CYP4F12: variants seen among roughly 807,000 people sequenced by gnomAD.
CYP4F12 encodes cytochrome P450 family 4 subfamily F member 12, also known as cytochrome P450 4F12.
In CYP4F12, 60 loss-of-function variants were observed where a neutral mutation model predicts 56.5. The observed-to-expected ratio is 1.06, with a 90% CI of 0.86 to 1.32. The LOEUF (loss-of-function observed/expected upper bound fraction) is 1.32, where lower values mean the gene tolerates loss of function less well. Among genes scored for constraint, CYP4F12 ranks in the 40% most tolerant of loss-of-function variants. The pLI is 0.00. For synonymous variants in CYP4F12, 263 were observed against 264.9 expected (o/e 0.99, Z 0.07); for missense variants, 711 against 683.5 (o/e 1.04, Z -0.45).
chr19:15,688,392 A>G (rs997772480), intron 9 of CYP4F12, among the ~76,000 whole-genome samples: 1 of 152,284 alleles, frequency 6.6e-6, no homozygotes, highest in Middle Eastern at 3.4e-3. Flanking sequence ...ACCTAGGAAT[A>G]TACTTAACCA....
At chr19:15,694,283 A>G (rs2008019362) in intron 9 of CYP4F12, among the ~76,000 whole-genome samples, 1 of 152,052 alleles carries the variant, frequency 6.6e-6, no homozygotes, top group Admixed American at 6.6e-5. Flanking sequence ...CTTGGGCAGT[A>G]TGGCCATTTT....
intron 5 of CYP4F12, chr19:15,681,056 C>T (rs571916644): frequency 5.2e-4 from 90 of 174,284 alleles, no homozygotes; most frequent in African/African-American, 2.0e-3. Flanking sequence ...TTCTCTGCCT[C>T]CAGAAGGCAC....
At chr19:15,686,441 G>T (rs2007608649) in intron 9 of CYP4F12, among the ~76,000 whole-genome samples, 1 of 151,958 alleles carries the variant, frequency 6.6e-6, no homozygotes, top group South Asian at 2.1e-4. Flanking sequence ...GGGAAAGAGA[G>T]GTTTGTGTGT....
At position 15,679,193 on chromosome 19, in the gene CYP4F12, G is replaced by A. The variant is rs148584899; in HGVS notation, c.343+788G>A. On this transcript the variant is annotated intron_variant, in intron 3 of 12. Coordinates refer to ENST00000550308, the MANE Select transcript of CYP4F12 (RefSeq NM_023944.4). ...TGTGCAGGTCACCAGCTCTCTGGCT[G>A]CTGAGGTCTCTTTCAGTTGTGAGTG... Among the ~76,000 whole-genome samples the A allele has an allele frequency of 1.3e-3, 194 of 152,330 alleles. 1 individual carries two copies. Among genetic ancestry groups the A allele is most frequent in the African/African-American group, 4.5e-3 (186 of 41,566 alleles).
intron 5 of CYP4F12, chr19:15,681,147 C>G (rs2007278756): frequency 6.1e-6 from 1 of 163,392 alleles, no homozygotes; most frequent in Non-Finnish European, 1.3e-5. Context: ...CTCTGCAATA[C>G]TTCAAAGTTC....
chr19:15,687,759 A>T lies in CYP4F12; in HGVS notation c.1115+2562A>T, dbSNP rs1012489937. Among the ~76,000 whole-genome samples, 9 of 152,298 alleles carry T rather than the reference A, an allele frequency of 5.9e-5. No individual in the cohort carries two copies. In the South Asian group the frequency reaches 1.7e-3, roughly 28 times the overall value. On this transcript the variant is annotated intron_variant, in intron 9 of 12. Coordinates refer to ENST00000550308, the MANE Select transcript of CYP4F12 (RefSeq NM_023944.4). ...CTCTATCCAGGGCTTGAACTGATTTAGGGAGTGGTAAGAAATATAAAAGTA... is the reference window on the plus strand; with the variant it reads ...CTCTATCCAGGGCTTGAACTGATTTTGGGAGTGGTAAGAAATATAAAAGTA...
rs537408806 is a variant in CYP4F12, at chr19:15,689,077, C to A, written c.1115+3880C>A. 8.9e-3 allele frequency among the ~76,000 whole-genome samples: 1,353 copies of A among 151,458 alleles called. 14 individuals carry two copies. Among genetic ancestry groups the A allele is most frequent in the African/African-American group, 0.031 (1,286 of 41,110 alleles). On this transcript the variant is annotated intron_variant, in intron 9 of 12. Coordinates refer to ENST00000550308, the MANE Select transcript of CYP4F12 (RefSeq NM_023944.4). ...ACCACAAAAGCAAATGCAACAAAAC[C>A]AAAAATAAATCAGTGGAACTTAATT...
chr19:15,680,751 T>A (rs2007252645), intron 5 of CYP4F12: 2 of 580,710 alleles, frequency 3.4e-6, no homozygotes, highest in South Asian at 3.8e-5. Context: ...TCTCACAGAA[T>A]CCCTGTAAAC....
At chr19:15,684,910 G>T (rs764358563) in intron 8 of CYP4F12, 28 bp downstream of exon 8, 1 of 1,581,436 alleles carries the variant, frequency 6.3e-7, no homozygotes, top group Admixed American at 1.7e-5. Context: ...GGACTACAGT[G>T]GAGACAGAGG....
At chr19:15,682,889 C>A (rs2007381299) in intron 6 of CYP4F12, among the ~76,000 whole-genome samples, 1 of 152,128 alleles carries the variant, frequency 6.6e-6, no homozygotes, top group Non-Finnish European at 1.5e-5. Flanking sequence ...GATAGCCCAC[C>A]ACCACGCCCA....
intron 6 of CYP4F12, 72 bp from the exon 7 acceptor site, chr19:15,683,421 T>C (rs759994358): frequency 3.3e-6 from 5 of 1,494,572 alleles, no homozygotes; most frequent in Non-Finnish European, 4.5e-6. Flanking sequence ...AGCTCCTGGC[T>C]GCTGGTGGGA....
At position 15,684,642 on chromosome 19, in the gene CYP4F12, T is replaced by TGGTGATGGTGAACAAGAGAGATCTA. The variant is rs2007500641; in HGVS notation, c.919-172_919-148dup. The TGGTGATGGTGAACAAGAGAGATCTA allele has an allele frequency of 6.7e-6, 4 of 598,872 alleles. No individual in the cohort carries two copies. The South Asian group carries it at 1.0e-4, about 15-fold the overall frequency. 37.1% of individuals were successfully genotyped at this position (598,872 alleles called of 1,614,324 possible). On this transcript the variant is annotated intron_variant, in intron 7 of 12. Transcript: ENST00000550308. ...GGGGAAGCCCTTGGAGTTGGGGCTT[T>TGGTGATGGTGAACAAGAGAGATCTA]GGTGATGGTGAACAAGAGAGATCTA...
At chr19:15,677,108 T>A (rs1352659760) in intron 2 of CYP4F12, among the ~76,000 whole-genome samples, 4 of 116,872 alleles carry the variant, frequency 3.4e-5, no homozygotes, top group Non-Finnish European at 5.4e-5. Flanking sequence ...CACTCATTCC[T>A]CTGCTCACTC....
At chr19:15,685,390 A>AC (rs949692305) in intron 9 of CYP4F12, among the ~76,000 whole-genome samples, 193 bp downstream of exon 9, 6 of 152,114 alleles carry the variant, frequency 3.9e-5, no homozygotes, top group Admixed American at 3.9e-4. Context: ...GGACCGAAAG[A>AC]CCCGGGCTGC....
chr19:15,675,858 A>C (rs1348954447), intron 2 of CYP4F12, among the ~76,000 whole-genome samples: 1 of 152,152 alleles, frequency 6.6e-6, no homozygotes, highest in Non-Finnish European at 1.5e-5. Flanking sequence ...TTAGAAACAG[A>C]TAGGGTGTTT....
At chr19:15,691,469 T>C (rs1198824954) in intron 9 of CYP4F12, among the ~76,000 whole-genome samples, 1 of 152,220 alleles carries the variant, frequency 6.6e-6, no homozygotes, top group Non-Finnish European at 1.5e-5. Flanking sequence ...TTCCCACAAA[T>C]TTGCCAATAG....
intron 9 of CYP4F12, among the ~76,000 whole-genome samples, chr19:15,687,856 T>G (rs1283142778): frequency 6.6e-6 from 1 of 152,206 alleles, no homozygotes; most frequent in Admixed American, 6.5e-5. Flanking sequence ...CATTCCTTAT[T>G]GTATCTCACA....
chr19:15,690,154 A>G (rs1366384192), intron 9 of CYP4F12, among the ~76,000 whole-genome samples: 1 of 152,112 alleles, frequency 6.6e-6, no homozygotes, highest in African/African-American at 2.4e-5. Context: ...TATCTTTGGG[A>G]GCTTTTCTTT....
intron 3 of CYP4F12, chr19:15,678,644 C>A (rs1391639802): frequency 6.0e-6 from 3 of 496,612 alleles, no homozygotes; most frequent in African/African-American, 3.8e-5. Context: ...CGGGTCTAGA[C>A]AGAGACATTT....
Sources: gnomAD v4.1 joint callset for allele counts (sites outside exome capture counted in the v4.1 genomes callset) on GRCh38, gnomAD v4.1.1 for gene constraint, MANE v1.5 for transcripts, NCBI Gene and HGNC (gene_info 2026-07-23, HGNC 2026-07-21) for gene names.